The following EPHB4 variants were observed in gnomAD, a reference collection of about 807,000 sequenced individuals.
The protein encoded by EPHB4 is EPH receptor B4.
Under a neutral mutation model 110.6 loss-of-function variants are expected in EPHB4, and 50 were observed. That is an observed-to-expected ratio of 0.45 (90% confidence interval 0.36 to 0.57). The LOEUF is 0.57. EPHB4 is among the 20% of genes least tolerant of loss of function. EPHB4 has a pLI of 0.00. For missense variants in EPHB4, 1,128 were observed against 1,382.1 expected (o/e 0.82, Z 2.91); for synonymous variants, 592 against 578.4 (o/e 1.02, Z -0.34).
rs1400394501 is a variant in EPHB4, at chr7:100,813,980, T to C, written c.1630A>G (p.Thr544Ala). 6.2e-7 allele frequency: 1 copy of C among 1,614,038 alleles called. No homozygotes were observed. The change falls in exon 9 of 17, where the codon ACG becomes GCG. Residue 544 changes from threonine to alanine, a missense_variant. Coordinates refer to ENST00000358173, the MANE Select transcript of EPHB4 (RefSeq NM_004444.5). ...ACCAGGACCACACCCACGACTGCCG[T>C]GCCCGCAATCAGGGCCAGCTGCTCC... The part of the protein sequence containing the change: ...WREQLALIAG[T>A]AVVGVVLVLV...
chr7:100,804,373 G>A (rs1233919626), intron 16 of EPHB4, among the ~76,000 whole-genome samples: 2 of 141,030 alleles, frequency 1.4e-5, no homozygotes, highest in South Asian at 2.3e-4. Flanking sequence ...GGAGTGCAGT[G>A]GTGCGATCTC....
intron 12 of EPHB4, among the ~76,000 whole-genome samples, chr7:100,811,474 T>C (rs554108047): frequency 2.6e-5 from 4 of 152,158 alleles, no homozygotes; most frequent in African/African-American, 7.2e-5. Context: ...GACCCTCTGC[T>C]CCCCAAGAGG....
chr7:100,815,124 G>T (rs1813035548), intron 8 of EPHB4, among the ~76,000 whole-genome samples: 1 of 151,964 alleles, frequency 6.6e-6, no homozygotes, highest in South Asian at 2.1e-4. Flanking sequence ...TTCGAGACCA[G>T]CCTGGGAAAC....
chr7:100,805,473 A>C lies in EPHB4; in HGVS notation c.2678+28T>G, dbSNP rs375504500. ...CAAGGAGTGGGGGCAGAGAGCGGGA[A>C]GGAGGGCCCATTCTCTGCAGTCCTC... On this transcript the variant is annotated intron_variant, in intron 15 of 16. Transcript: ENST00000358173. 2.4e-5 allele frequency: 37 copies of C among 1,530,276 alleles called. No homozygotes were observed. The African/African-American group carries it at 3.9e-4, about 16-fold the overall frequency. The allele number at this position is 1,530,276 out of a possible 1,614,324, so 94.8% of individuals were successfully genotyped here. A position where few individuals can be genotyped will look rare whatever the true frequency, so the allele number is the denominator to read the frequency against.
At chr7:100,826,201 A>G (rs1276969228) in intron 1 of EPHB4, among the ~76,000 whole-genome samples, 1 of 152,194 alleles carries the variant, frequency 6.6e-6, no homozygotes, top group Non-Finnish European at 1.5e-5. Flanking sequence ...TCCATGGCCA[A>G]AGAAATGCTT....
chr7:100,804,919 G>A (rs957627418), intron 16 of EPHB4, among the ~76,000 whole-genome samples: 3 of 152,230 alleles, frequency 2.0e-5, no homozygotes, highest in African/African-American at 2.4e-5. Context: ...AGGCGGAAGC[G>A]CGATGGCCCA....
Position 100,806,528 on chromosome 7 carries a change from A to C in EPHB4, c.2376T>G (p.Ile792Met). The C allele has an allele frequency of 6.2e-7, 1 of 1,614,116 alleles. No homozygotes were observed. Among genetic ancestry groups the C allele is most frequent in the Non-Finnish European group, 8.5e-7 (1 of 1,180,012 alleles). Residue 792 changes from isoleucine (I) to methionine (M), a missense_variant, in exon 14 of 17, where the codon ATT (isoleucine) becomes ATG (methionine). Around this residue, in one of 3 missense-constraint regions of EPHB4, gnomAD observed 191 missense variants for 313.0 expected, o/e 0.61. Transcript: ENST00000358173. ...IPIRWTAPEA[I>M]AFRKFTSASD... ...TGGCGGAAGTGAACTTCCGGAAGGC[A>C]ATGGCCTCCGGGGCAGTCCATCGGA...
At chr7:100,820,373 C>G (rs567840110) in intron 4 of EPHB4, 77 bp from the exon 5 acceptor site, 4 of 1,498,224 alleles carry the variant, frequency 2.7e-6, no homozygotes, top group Non-Finnish European at 3.6e-6. Context: ...GCTCATGCCT[C>G]GAATCCCAGC....
At chr7:100,826,882 G>T in intron 1 of EPHB4, 97 bp downstream of exon 1, 2 of 1,409,556 alleles carry the variant, frequency 1.4e-6, no homozygotes, top group South Asian at 2.7e-5. Context: ...GCCCGGGTAG[G>T]GGTAGTCAGA....
rs1245070341 is a variant in EPHB4, at chr7:100,826,981, T to G, written c.50A>C (p.Glu17Ala). Reference protein sequence around the residue: ...LCWASLAAALEETLLNTKLET... With the variant: ...LCWASLAAALAETLLNTKLET... ...CCCCCCCCCGCAAGGAAACTCACCTTCCAAAGCTGCGGCCAACGAAGCCCA... is the reference window on the plus strand; with the variant it reads ...CCCCCCCCCGCAAGGAAACTCACCTGCCAAAGCTGCGGCCAACGAAGCCCA... The change falls in exon 1 of 17, where the codon GAA (glutamate) becomes GCA (alanine). Residue 17 changes from glutamate (E) to alanine (A), a missense_variant and splice_region_variant. By Grantham distance (107) the Glu-to-Ala change is moderately radical. Coordinates refer to ENST00000358173, the MANE Select transcript of EPHB4 (RefSeq NM_004444.5). The G allele has an allele frequency of 6.4e-7, 1 of 1,559,194 alleles. No homozygotes were observed.
At chr7:100,824,520 C>A in intron 1 of EPHB4, 2 of 514,462 alleles carry the variant, frequency 3.9e-6, no homozygotes, top group South Asian at 2.4e-5. Context: ...TCTAGGCCTC[C>A]CTGGAGGAGG....
At chr7:100,814,522 G>A (rs145096319) in intron 8 of EPHB4, among the ~76,000 whole-genome samples, 3 of 152,170 alleles carry the variant, frequency 2.0e-5, no homozygotes, top group African/African-American at 7.2e-5. Flanking sequence ...ATGCCCAGCC[G>A]CCAGAGTGGT....
chr7:100,812,227 C>T (rs1468308142), intron 12 of EPHB4, among the ~76,000 whole-genome samples: 1 of 151,444 alleles, frequency 6.6e-6, no homozygotes, highest in Non-Finnish European at 1.5e-5. Flanking sequence ...GGAATGACAA[C>T]CTTCAGCTGT....
In EPHB4 at chr7:100,812,990, C is replaced by T; in HGVS notation, c.1875G>A (p.Glu625=). 1 of 1,613,574 alleles carries T rather than the reference C, an allele frequency of 6.2e-7. No homozygotes were observed. The highest frequency in any genetic ancestry group is 8.5e-7 in the Non-Finnish European group (1 of 1,179,662). Residue 625 remains glutamate, a synonymous_variant, in exon 12 of 17, where the codon GAG becomes GAA. Transcript: ENST00000358173. ...VKIEEVIGAG[E]FGEVCRGRLK... is the part of the protein sequence containing the mutation. ...GCCGCCCCCGGCACACCTCGCCAAACTCACCTTCAAACAAGGACGCAGAGG... is the reference window on the plus strand; with the variant it reads ...GCCGCCCCCGGCACACCTCGCCAAATTCACCTTCAAACAAGGACGCAGAGG...
At chr7:100,820,735 A>G (rs1311225594) in intron 4 of EPHB4, among the ~76,000 whole-genome samples, 1 of 152,190 alleles carries the variant, frequency 6.6e-6, no homozygotes, top group African/African-American at 2.4e-5. Flanking sequence ...AAACATGAGG[A>G]AAAAAGTTTG....
At chr7:100,811,007 T>A (rs1351104602) in intron 12 of EPHB4, among the ~76,000 whole-genome samples, 1 of 152,040 alleles carries the variant, frequency 6.6e-6, no homozygotes, top group African/African-American at 2.4e-5. Context: ...CCCAGCACTT[T>A]GAGGGGCCGA....
rs573381841 is a variant in EPHB4, at chr7:100,823,584, C to T, written c.411+60G>A. On this transcript the variant is annotated intron_variant, in intron 3 of 16. Coordinates refer to ENST00000358173, the MANE Select transcript of EPHB4 (RefSeq NM_004444.5). ...ACTACATCGGCTGCCCTCCAGGCCA[C>T]GGGCCTGCTGGCTGGAATCCCACCT... 1,674 of 1,574,012 alleles carry T rather than the reference C, an allele frequency of 1.1e-3. 13 individuals carry two copies. In the South Asian group the frequency reaches 0.012, roughly 11 times the overall value.
At chr7:100,809,633 C>T (rs2116423804) in intron 12 of EPHB4, among the ~76,000 whole-genome samples, 1 of 151,974 alleles carries the variant, frequency 6.6e-6, no homozygotes, top group South Asian at 2.1e-4. Context: ...CCCGCCTCAG[C>T]CTCCCGAGTA....
chr7:100,819,912 G>A, intron 5 of EPHB4, 23 bp from the exon 6 acceptor site: 1 of 1,533,312 alleles, frequency 6.5e-7, no homozygotes, highest in East Asian at 2.5e-5. Flanking sequence ...AGGGAGTCAG[G>A]CAGAGGCCGA....
Sources: allele counts gnomAD v4.1 joint callset (sites outside exome capture counted in the v4.1 genomes callset), GRCh38; gene constraint gnomAD v4.1.1; regional missense constraint gnomAD v4.1.1; transcripts MANE v1.5; gene names NCBI Gene and HGNC (gene_info 2026-07-23, HGNC 2026-07-21).